PCDHGB5: variants seen among roughly 807,000 people sequenced by gnomAD.
PCDHGB5 encodes the protein protocadherin gamma-B5.
Under a neutral mutation model 62.9 loss-of-function variants are expected in PCDHGB5, and 48 were observed. The ratio of observed to expected loss-of-function variants is 0.76; its 90% confidence interval spans 0.61 to 0.97. The LOEUF is 0.97. PCDHGB5 is among the 50% of genes least tolerant of loss of function. The pLI is 0.00. For synonymous variants in PCDHGB5, 474 were observed against 511.2 expected, an observed-to-expected ratio of 0.93 and a Z score of 0.98; for missense variants, 1,118 against 1,198.6, an observed-to-expected ratio of 0.93 and a Z score of 0.99.
chr5:141,433,080 A>T lies in PCDHGB5; in HGVS notation c.2397+32556A>T, dbSNP rs1315049041. 4.3e-6 allele frequency: 7 copies of T among 1,614,174 alleles called. No homozygotes were observed. The East Asian group carries it at 1.6e-4, about 36-fold the overall frequency. ...AGTCACCTGATCTTCCCCCAGCCCA[A>T]CTATGCAGACATGCTCGTCAGCCAG... On this transcript the variant is annotated intron_variant, in intron 1 of 3. Transcript: ENST00000617380.
intron 1 of PCDHGB5, among the ~76,000 whole-genome samples, chr5:141,436,010 A>G (rs1188507054): frequency 6.6e-6 from 1 of 152,168 alleles, no homozygotes; most frequent in Non-Finnish European, 1.5e-5. Context: ...AAGTATTTGA[A>G]TTTATCTAAA....
rs779191558 is a variant in PCDHGB5 at position 141,491,465 on chromosome 5, A to T, written c.2398-3342A>T. 3.1e-6 allele frequency: 5 copies of T among 1,614,092 alleles called. No homozygotes were observed. Among genetic ancestry groups the T allele is most frequent in the Non-Finnish European group, 4.2e-6 (5 of 1,180,010 alleles). On this transcript the variant is annotated intron_variant, in intron 1 of 3. Transcript: ENST00000617380. The surrounding 1 kb of genome is among the most constrained non-coding windows in gnomAD (Gnocchi z 6.9). ...CAGGACTCACCCTCCCCGGACTTCT[A>T]TAAGCAGTCCAGCCCCAACCTGCAG... is the stretch of plus-strand genomic sequence containing the variant.
chr5:141,427,960 G>T (rs759698390), intron 1 of PCDHGB5: 2 of 1,589,168 alleles, frequency 1.3e-6, no homozygotes, highest in Non-Finnish European at 1.7e-6. Context: ...AATGTGCCGC[G>T]GGTGCTGTAC....
chr5:141,494,142 A>G (rs2099752161), intron 1 of PCDHGB5, among the ~76,000 whole-genome samples: 1 of 152,090 alleles, frequency 6.6e-6, no homozygotes, highest in South Asian at 2.1e-4. Context: ...TTAGTCACAG[A>G]CCATTGTCTG....
At chr5:141,505,300 G>A in intron 2 of PCDHGB5, 93 bp from the exon 3 acceptor site, 1 of 1,589,042 alleles carries the variant, frequency 6.3e-7, no homozygotes, top group South Asian at 1.1e-5. Flanking sequence ...GGTAGGGTTA[G>A]GGTACTAGGT....
intron 1 of PCDHGB5, chr5:141,478,581 T>C: frequency 6.3e-7 from 1 of 1,580,158 alleles, no homozygotes; most frequent in Non-Finnish European, 8.6e-7. Flanking sequence ...ACCCTGTTAG[T>C]GCTTTTTTAT....
intron 1 of PCDHGB5, among the ~76,000 whole-genome samples, chr5:141,444,482 T>G (rs1346576719): frequency 6.6e-6 from 1 of 152,000 alleles, no homozygotes; most frequent in Non-Finnish European, 1.5e-5. Context: ...CGTACTGGAT[T>G]TATATTGTGT....
At position 141,450,006 on chromosome 5, in the gene PCDHGB5, C is replaced by CTTTTT. The variant is rs1554136305; in HGVS notation, c.2398-44787_2398-44783dup. ...CACATTGCATTTAGTTGCCATGTCTCTTTTTTTTTTTTTTTTTTGAGACAG... is the reference window on the plus strand; with the variant it reads ...CACATTGCATTTAGTTGCCATGTCTCTTTTTTTTTTTTTTTTTTTTTTTGAGACAG... On this transcript the variant is annotated intron_variant, in intron 1 of 3. Transcript: ENST00000617380. Among the ~76,000 whole-genome samples the CTTTTT allele has an allele frequency of 3.4e-4, 45 of 132,908 alleles. 3 individuals carry two copies. Among genetic ancestry groups the CTTTTT allele is most frequent in the South Asian group, 7.1e-4 (3 of 4,236 alleles). 87.2% of individuals were successfully genotyped at this position (132,908 alleles called of 152,430 possible).
intron 1 of PCDHGB5, among the ~76,000 whole-genome samples, chr5:141,400,820 G>A (rs1419111099): frequency 6.6e-6 from 1 of 152,082 alleles, no homozygotes; most frequent in African/African-American, 2.4e-5. Context: ...TTACCTATTC[G>A]TTGTCTCATT....
At chr5:141,418,568 G>A (rs769914679) in intron 1 of PCDHGB5, 62 of 1,613,902 alleles carry the variant, frequency 3.8e-5, no homozygotes, top group Non-Finnish European at 5.2e-5. Context: ...AGATGCCAAT[G>A]ACAACCCCCC....
intron 1 of PCDHGB5, among the ~76,000 whole-genome samples, chr5:141,455,095 A>G (rs910300076): frequency 2.6e-5 from 4 of 151,836 alleles, no homozygotes; most frequent in African/African-American, 9.7e-5. Flanking sequence ...TACAGGCTTG[A>G]GCCACTGCGC....
chr5:141,459,105 T>C (rs904382532), intron 1 of PCDHGB5, among the ~76,000 whole-genome samples: 7 of 152,208 alleles, frequency 4.6e-5, no homozygotes, highest in Non-Finnish European at 7.4e-5. Flanking sequence ...GCAATGCATT[T>C]TGACAATTGT....
In PCDHGB5 at chr5:141,476,034, C is replaced by G. The variant is rs934044974; in HGVS notation, c.2398-18773C>G. On this transcript the variant is annotated intron_variant, in intron 1 of 3. Transcript: ENST00000617380. This position sits in a 1 kb window ranked among gnomAD's most constrained non-coding sequence, Gnocchi z 7.6. ...CCATGTCGGACTCGGCGCCCAGCGC[C>G]CAAGCGCTAACCCGCTGAAAGTTTC... The G allele has an allele frequency of 2.0e-6, 3 of 1,464,488 alleles. No homozygotes were observed. Among genetic ancestry groups the G allele is most frequent in the Non-Finnish European group, 2.7e-6 (3 of 1,100,656 alleles). 90.7% of individuals were successfully genotyped at this position (1,464,488 alleles called of 1,614,324 possible). A position where few individuals can be genotyped will look rare whatever the true frequency, so the allele number is the denominator to read the frequency against.
At chr5:141,409,516 C>T (rs1303826331) in intron 1 of PCDHGB5, 6 of 1,614,006 alleles carry the variant, frequency 3.7e-6, no homozygotes, top group South Asian at 1.1e-5. Context: ...GTAGAAGCAT[C>T]ACCTTGTATG....
intron 1 of PCDHGB5, among the ~76,000 whole-genome samples, chr5:141,472,602 T>C (rs1032061805): frequency 4.6e-5 from 7 of 152,026 alleles, no homozygotes; most frequent in African/African-American, 1.4e-4. Context: ...CTTGAAATTA[T>C]AAAACAAAGA....
At chr5:141,404,041 A>G in intron 1 of PCDHGB5, 1 of 1,613,936 alleles carries the variant, frequency 6.2e-7, no homozygotes, top group Non-Finnish European at 8.5e-7. Context: ...CACCTCAGGG[A>G]ACAGTAATTC....
rs146615755 is a variant in PCDHGB5 at position 141,486,022 on chromosome 5, T to C, written c.2398-8785T>C. The C allele has an allele frequency of 1.2e-6, 2 of 1,614,030 alleles. No homozygotes were observed. Among genetic ancestry groups the C allele is most frequent in the Non-Finnish European group, 1.7e-6 (2 of 1,180,036 alleles). Reference sequence around the variant, plus strand: ...GTAACGTCACCTTTTATTTCAGTGGTCATACCCCTGATCGTGTAAGAAACC... The same window carrying C: ...GTAACGTCACCTTTTATTTCAGTGGCCATACCCCTGATCGTGTAAGAAACC... On this transcript the variant is annotated intron_variant, in intron 1 of 3. Coordinates refer to ENST00000617380, the MANE Select transcript of PCDHGB5 (RefSeq NM_018925.3). The surrounding 1 kb of genome is among the most constrained non-coding windows in gnomAD (Gnocchi z 5.0).
At position 141,398,897 on chromosome 5, in the gene PCDHGB5, C is replaced by G. The variant is rs761364649; in HGVS notation, c.770C>G (p.Pro257Arg). The G allele has an allele frequency of 2.1e-5, 34 of 1,613,932 alleles. No homozygotes were observed. Among genetic ancestry groups the G allele is most frequent in the Non-Finnish European group, 2.8e-5 (33 of 1,179,872 alleles). Residue 257 changes from proline to arginine, a missense_variant, in exon 1 of 4, where the codon CCA becomes CGA. This residue lies in a region of PCDHGB5 where 1,034 missense variants were observed against 1,029.1 expected (regional missense o/e 1.00). Coordinates refer to ENST00000617380, the MANE Select transcript of PCDHGB5 (RefSeq NM_018925.3). ...YRVSLRENVP[P>R]GTTVLQVSAT... ...GTCAGCCTTCGGGAAAACGTGCCAC[C>G]AGGCACCACTGTGTTGCAAGTGTCA...
intron 1 of PCDHGB5, chr5:141,414,994 T>G (rs1390374290): frequency 6.2e-7 from 1 of 1,613,744 alleles, no homozygotes; most frequent in South Asian, 1.1e-5. Flanking sequence ...CCAGAACGCC[T>G]GGCTGTCCTA....
Sources: allele counts gnomAD v4.1 joint callset (sites outside exome capture counted in the v4.1 genomes callset), GRCh38; gene constraint gnomAD v4.1.1; regional missense constraint gnomAD v4.1.1; non-coding constraint Gnocchi (gnomAD v3.1); transcripts MANE v1.5; gene names NCBI Gene and HGNC (gene_info 2026-07-23, HGNC 2026-07-21).